NKAIN2: variants seen among roughly 807,000 people sequenced by gnomAD.
NKAIN2 encodes the protein sodium/potassium-transporting ATPase subunit beta-1-interacting protein 2.
Under a neutral mutation model 32.6 loss-of-function variants are expected in NKAIN2, and 14 were observed. The ratio of observed to expected loss-of-function variants is 0.43; its 90% CI spans 0.28 to 0.67. NKAIN2 has a LOEUF of 0.67. NKAIN2 is among the 30% of genes least tolerant of loss of function. The pLI, the probability that NKAIN2 is intolerant of heterozygous loss-of-function variation, is 0.17. For synonymous variants in NKAIN2, 80 were observed against 87.2 expected, an observed-to-expected ratio of 0.92 and a Z score of 0.46; for missense variants, 198 against 258.3, an observed-to-expected ratio of 0.77 and a Z score of 1.60.
intron 3 of NKAIN2, among the ~76,000 whole-genome samples, chr6:124,474,423 T>C (rs1777101728): frequency 1.3e-5 from 2 of 152,104 alleles, no homozygotes; most frequent in Non-Finnish European, 2.9e-5. Flanking sequence ...AGCTTCTTAA[T>C]ATGTCTCATT....
intron 5 of NKAIN2, among the ~76,000 whole-genome samples, chr6:124,813,269 A>G (rs1780995965): frequency 6.6e-6 from 1 of 152,150 alleles, no homozygotes; most frequent in East Asian, 1.9e-4. Context: ...GTTATTGTTT[A>G]CATCCAAATA....
At chr6:124,048,214 C>A (rs1451634915) in intron 1 of NKAIN2, among the ~76,000 whole-genome samples, 1 of 151,824 alleles carries the variant, frequency 6.6e-6, no homozygotes, top group Non-Finnish European at 1.5e-5. Flanking sequence ...CCAAGATATG[C>A]AAATAATATT....
chr6:123,940,302 TTGTGTG>T (rs75849088), intron 1 of NKAIN2, among the ~76,000 whole-genome samples: 10 of 149,572 alleles, frequency 6.7e-5, no homozygotes, highest in African/African-American at 1.5e-4. Context: ...TGTGTTTGGT[TTGTGTG>T]TGTGTGTGTG....
At chr6:124,349,336 TC>T (rs1022891349) in intron 2 of NKAIN2, among the ~76,000 whole-genome samples, 1 of 152,022 alleles carries the variant, frequency 6.6e-6, no homozygotes, top group Admixed American at 6.6e-5. Flanking sequence ...CACCCCATTC[TC>T]CCAGTGCACA....
At chr6:124,144,584 A>T (rs565715248) in intron 1 of NKAIN2, among the ~76,000 whole-genome samples, 9 of 152,302 alleles carry the variant, frequency 5.9e-5, no homozygotes, top group Admixed American at 2.0e-4. Flanking sequence ...CAATTAAAAA[A>T]AATAAAGAAT....
intron 1 of NKAIN2, among the ~76,000 whole-genome samples, chr6:124,270,605 T>A (rs145851802): frequency 2.8e-4 from 43 of 152,320 alleles, no homozygotes; most frequent in African/African-American, 9.4e-4. Flanking sequence ...TATTTTTATT[T>A]GGCTTTTACT....
intron 2 of NKAIN2, among the ~76,000 whole-genome samples, chr6:124,299,367 G>A (rs1217179417): frequency 6.6e-6 from 1 of 152,098 alleles, no homozygotes; most frequent in Non-Finnish European, 1.5e-5. Flanking sequence ...AGAAACTCAG[G>A]ACTTTTAGAA....
intron 1 of NKAIN2, among the ~76,000 whole-genome samples, chr6:124,132,890 A>G (rs1046696567): frequency 6.6e-6 from 1 of 152,224 alleles, no homozygotes; most frequent in Non-Finnish European, 1.5e-5. Context: ...AGGGAGCCCC[A>G]TCTCTAGGGG....
intron 6 of NKAIN2, among the ~76,000 whole-genome samples, chr6:124,818,723 A>G (rs983072735): frequency 2.6e-5 from 4 of 152,090 alleles, no homozygotes; most frequent in African/African-American, 9.7e-5. Context: ...TCAAAAGCCT[A>G]TGTTAATTAT....
intron 3 of NKAIN2, among the ~76,000 whole-genome samples, chr6:124,378,152 C>G (rs1026428940): frequency 2.6e-5 from 4 of 152,100 alleles, no homozygotes; most frequent in African/African-American, 9.7e-5. Flanking sequence ...CACTGTGCAC[C>G]CATTATCACT....
chr6:124,650,896 T>C (rs1208680326), intron 3 of NKAIN2, among the ~76,000 whole-genome samples: 2 of 152,220 alleles, frequency 1.3e-5, no homozygotes, highest in African/African-American at 4.8e-5. Flanking sequence ...AAGAGATTCA[T>C]CTAAATCAGA....
intron 5 of NKAIN2, among the ~76,000 whole-genome samples, chr6:124,794,680 A>G (rs937150406): frequency 9.2e-5 from 14 of 152,084 alleles, no homozygotes; most frequent in African/African-American, 2.2e-4. Flanking sequence ...GTGGGAGGAG[A>G]TGTTCATTTG....
At chr6:124,587,934 A>AT (rs1393866119) in intron 3 of NKAIN2, among the ~76,000 whole-genome samples, 1 of 152,244 alleles carries the variant, frequency 6.6e-6, no homozygotes, top group South Asian at 2.1e-4. Flanking sequence ...TAACTACAGG[A>AT]TTTTTTTTAA....
At chr6:124,353,310 G>A (rs887834835) in intron 2 of NKAIN2, among the ~76,000 whole-genome samples, 1 of 152,114 alleles carries the variant, frequency 6.6e-6, no homozygotes, top group African/African-American at 2.4e-5. Context: ...TATGAAATTA[G>A]GAGAAACAAA....
At chr6:124,557,557 T>C (rs1780522418) in intron 3 of NKAIN2, among the ~76,000 whole-genome samples, 1 of 152,176 alleles carries the variant, frequency 6.6e-6, no homozygotes, top group Admixed American at 6.5e-5. Context: ...GTACTGTCCC[T>C]ATAGACAATA....
At chr6:123,942,598 A>T (rs73773020) in intron 1 of NKAIN2, among the ~76,000 whole-genome samples, 5 of 151,948 alleles carry the variant, frequency 3.3e-5, no homozygotes. Flanking sequence ...ATTTACCTTC[A>T]TTTAGACTAT....
chr6:124,504,618 T>C (rs757105986), intron 3 of NKAIN2, among the ~76,000 whole-genome samples: 31 of 152,200 alleles, frequency 2.0e-4, no homozygotes, highest in Non-Finnish European at 4.4e-4. Flanking sequence ...TTTCAAGTAA[T>C]CAACAATGCC....
At chr6:124,652,606 T>A (rs550867307) in intron 3 of NKAIN2, among the ~76,000 whole-genome samples, 1 of 152,288 alleles carries the variant, frequency 6.6e-6, no homozygotes, top group East Asian at 1.9e-4. Context: ...AACAAGAATT[T>A]ATTTTCTCAC....
chr6:124,706,977 C>T (rs1199189931), intron 4 of NKAIN2, among the ~76,000 whole-genome samples: 1 of 150,940 alleles, frequency 6.6e-6, no homozygotes, highest in African/African-American at 2.4e-5. Flanking sequence ...TCTCCCAATG[C>T]TATCCGTCCC....
Sources: gnomAD v4.1 joint callset for allele counts (sites outside exome capture counted in the v4.1 genomes callset) on GRCh38, gnomAD v4.1.1 for gene constraint, MANE v1.5 for transcripts, NCBI Gene and HGNC (gene_info 2026-07-23, HGNC 2026-07-21) for gene names.